Variants in BNC2 observed in about 807,000 individuals in gnomAD.
BNC2 encodes the protein zinc finger protein basonuclin-2.
In BNC2, 20 loss-of-function variants were observed where a neutral mutation model predicts 76.3. The observed-to-expected ratio is 0.26, with a 90% CI of 0.18 to 0.38. BNC2 has a LOEUF of 0.38. BNC2 is among the 10% of genes least tolerant of loss of function. The pLI is 1.00. For missense variants in BNC2, 1,382 were observed against 1,399.8 expected, an observed-to-expected ratio of 0.99 and a Z score of 0.20; for synonymous variants, 582 against 514.8, an observed-to-expected ratio of 1.13 and a Z score of -1.77.
Position 16,705,824 on chromosome 9 carries a change from A to T in BNC2, c.330+21973T>A, listed in dbSNP as rs186867287. ...GACATTCAATTTAGATTTACAAAAC[A>T]CCCAGAAACAATTCCTATTTCTCCA... On this transcript the variant is annotated intron_variant, in intron 3 of 6. Transcript: ENST00000380672. 7.9e-5 allele frequency among the ~76,000 whole-genome samples: 12 copies of T among 152,360 alleles called. No individual in the cohort carries two copies. The East Asian group carries it at 2.1e-3, about 27-fold the overall frequency.
intron 1 of BNC2, among the ~76,000 whole-genome samples, chr9:16,804,068 T>C (rs576594550): frequency 4.1e-4 from 62 of 152,370 alleles, no homozygotes; most frequent in African/African-American, 1.5e-3. Flanking sequence ...GGCTTCTGCC[T>C]GCTCCACGCT....
chr9:16,510,764 G>A (rs1822736083), intron 5 of BNC2, among the ~76,000 whole-genome samples: 1 of 152,202 alleles, frequency 6.6e-6, no homozygotes, highest in Non-Finnish European at 1.5e-5. Flanking sequence ...CTGAGTGATG[G>A]ATGAAATTCT....
intron 5 of BNC2, among the ~76,000 whole-genome samples, chr9:16,456,090 A>T (rs755745975): frequency 3.3e-5 from 5 of 152,188 alleles, no homozygotes; most frequent in Admixed American, 2.0e-4. Flanking sequence ...TATTAGAGGA[A>T]GAAAAGGTAC....
At chr9:16,791,935 T>TG (rs1817522280) in intron 1 of BNC2, among the ~76,000 whole-genome samples, 2 of 152,000 alleles carry the variant, frequency 1.3e-5, no homozygotes, top group African/African-American at 4.8e-5. Flanking sequence ...AAACTCCATC[T>TG]CTATCAAAAT....
At chr9:16,588,497 GAGA>G (rs1819834456) in intron 3 of BNC2, among the ~76,000 whole-genome samples, 2 of 152,184 alleles carry the variant, frequency 1.3e-5, no homozygotes, top group South Asian at 2.1e-4. Flanking sequence ...TGATCTAGTG[GAGA>G]AGAAGACAAA....
intron 3 of BNC2, among the ~76,000 whole-genome samples, chr9:16,717,869 T>A (rs772578012): frequency 6.6e-6 from 1 of 152,176 alleles, no homozygotes. Context: ...GAACAGTGAT[T>A]ATCAGAATAC....
chr9:16,742,307 A>G (rs1156346272), intron 1 of BNC2, among the ~76,000 whole-genome samples: 2 of 152,244 alleles, frequency 1.3e-5, no homozygotes, highest in African/African-American at 2.4e-5. Context: ...CATAAGACAA[A>G]GCTGAAGAGA....
intron 1 of BNC2, among the ~76,000 whole-genome samples, chr9:16,747,462 A>T (rs1825043728): frequency 6.6e-6 from 1 of 152,244 alleles, no homozygotes; most frequent in African/African-American, 2.4e-5. Context: ...TGTGCCAGGT[A>T]CTATGCAAAA....
chr9:16,731,055 C>T (rs1402546351), intron 2 of BNC2, among the ~76,000 whole-genome samples: 1 of 152,170 alleles, frequency 6.6e-6, no homozygotes, highest in Admixed American at 6.5e-5. Context: ...GAACATTTGA[C>T]ATTAGGATAA....
chr9:16,685,780 A>G (rs2134350781), intron 3 of BNC2, among the ~76,000 whole-genome samples: 1 of 152,358 alleles, frequency 6.6e-6, no homozygotes, highest in Non-Finnish European at 1.5e-5. Flanking sequence ...TAGTATGTCA[A>G]ATATATAGTG....
chr9:16,460,868 T>G (rs1345748381), intron 5 of BNC2, among the ~76,000 whole-genome samples: 1 of 152,030 alleles, frequency 6.6e-6, no homozygotes, highest in Admixed American at 6.6e-5. Flanking sequence ...TGGCAGGCAC[T>G]CCATAAATGG....
intron 1 of BNC2, among the ~76,000 whole-genome samples, chr9:16,861,928 G>A (rs1443084324): frequency 1.3e-5 from 2 of 151,958 alleles, no homozygotes; most frequent in Non-Finnish European, 2.9e-5. Context: ...GGTGGAGCTT[G>A]CAGTGAGCCG....
At chr9:16,698,009 T>G (rs527960154) in intron 3 of BNC2, among the ~76,000 whole-genome samples, 9 of 152,256 alleles carry the variant, frequency 5.9e-5, no homozygotes, top group African/African-American at 2.2e-4. Flanking sequence ...AAGTCCAGGG[T>G]AGGCAAACAA....
chr9:16,832,318 T>G (rs1411071254), intron 1 of BNC2: 2 of 1,269,826 alleles, frequency 1.6e-6, no homozygotes, highest in Non-Finnish European at 2.0e-6. Flanking sequence ...AAAGAAGCCA[T>G]GAAGCACAGA....
At chr9:16,518,580 T>A (rs7040356) in intron 5 of BNC2, among the ~76,000 whole-genome samples, 23,138 of 132,472 alleles carry the variant, frequency 0.17, 2,861 homozygotes, top group African/African-American at 0.46. Context: ...ATATATATAT[T>A]TTTTGTTGTT....
chr9:16,832,209 G>A (rs751919385), intron 1 of BNC2: 4 of 1,118,992 alleles, frequency 3.6e-6, no homozygotes, highest in East Asian at 6.0e-5. Context: ...AGTCTTCAAA[G>A]GAAAAATATG....
chr9:16,434,584 C>T (rs1197561087), intron 6 of BNC2, among the ~76,000 whole-genome samples: 1 of 152,166 alleles, frequency 6.6e-6, no homozygotes, highest in Non-Finnish European at 1.5e-5. Context: ...GTGATCTGCT[C>T]ACAAGCTTAT....
chr9:16,598,106 A>T (rs1006204449), intron 3 of BNC2, among the ~76,000 whole-genome samples: 3 of 152,210 alleles, frequency 2.0e-5, no homozygotes, highest in African/African-American at 7.2e-5. Context: ...GTTACTATTC[A>T]CATCACGTGC....
intron 5 of BNC2, among the ~76,000 whole-genome samples, chr9:16,515,445 G>A (rs79789231): frequency 5.9e-5 from 9 of 152,122 alleles, no homozygotes; most frequent in African/African-American, 2.2e-4. Flanking sequence ...AATGCACCCG[G>A]CACCAAAGCC....
Sources: allele counts gnomAD v4.1 joint callset (sites outside exome capture counted in the v4.1 genomes callset), GRCh38; gene constraint gnomAD v4.1.1; transcripts MANE v1.5; gene names NCBI Gene and HGNC (gene_info 2026-07-23, HGNC 2026-07-21).